The following SSH2 variants were observed in gnomAD, a reference collection of about 807,000 sequenced individuals.
SSH2 encodes protein phosphatase Slingshot homolog 2.
SSH2 carries 37 observed loss-of-function variants against 135.2 expected under a neutral mutation model. The ratio of observed to expected loss-of-function variants is 0.27; its 90% CI spans 0.21 to 0.36. The LOEUF (loss-of-function observed/expected upper bound fraction) is 0.36. Among genes scored for constraint, SSH2 ranks in the 10% least tolerant of loss-of-function variants. The pLI, the probability that SSH2 is intolerant of heterozygous loss-of-function variation, is 1.00. For missense variants in SSH2, 1,408 were observed against 1,765.3 expected (o/e 0.80, Z 3.63); for synonymous variants, 628 against 646.2 (o/e 0.97, Z 0.43).
At chr17:29,773,140 G>T (rs188025016) in intron 3 of SSH2, among the ~76,000 whole-genome samples, 6 of 151,790 alleles carry the variant, frequency 4.0e-5, no homozygotes, top group African/African-American at 1.5e-4. Flanking sequence ...GGAAAACTCT[G>T]ACTAATATAT....
At chr17:29,672,257 A>G (rs1164694957) in intron 8 of SSH2, 128 bp from the exon 9 acceptor site, 8 of 635,156 alleles carry the variant, frequency 1.3e-5, no homozygotes, top group Non-Finnish European at 1.9e-5. Context: ...CTACTCCTTG[A>G]AAGTCAAGAT....
At chr17:29,747,359 A>G (rs2040797218) in intron 3 of SSH2, among the ~76,000 whole-genome samples, 1 of 152,218 alleles carries the variant, frequency 6.6e-6, no homozygotes, top group African/African-American at 2.4e-5. Flanking sequence ...TAGCTTTACC[A>G]AGTGTAACTA....
chr17:29,879,968 A>G (rs956340191), intron 1 of SSH2, among the ~76,000 whole-genome samples: 1 of 152,254 alleles, frequency 6.6e-6, no homozygotes, highest in Middle Eastern at 3.2e-3. Context: ...TATTTTGCTC[A>G]TGAGACTCAA....
At chr17:29,748,989 T>C (rs2040845995) in intron 3 of SSH2, among the ~76,000 whole-genome samples, 1 of 152,192 alleles carries the variant, frequency 6.6e-6, no homozygotes, top group Non-Finnish European at 1.5e-5. Context: ...ACTTCAATAA[T>C]TCAATGTGTC....
At chr17:29,761,442 C>T (rs1295988067) in intron 3 of SSH2, 2 of 995,812 alleles carry the variant, frequency 2.0e-6, no homozygotes, top group African/African-American at 1.7e-5. Context: ...TGACGGGCGT[C>T]GCCAGCAGTT....
chr17:29,697,075 A>G (rs1374597086), intron 4 of SSH2, among the ~76,000 whole-genome samples: 1 of 152,152 alleles, frequency 6.6e-6, no homozygotes, highest in African/African-American at 2.4e-5. Flanking sequence ...CATTATTTGA[A>G]TCTTCACTTG....
At chr17:29,827,100 C>G (rs1425655494) in intron 2 of SSH2, among the ~76,000 whole-genome samples, 1 of 152,066 alleles carries the variant, frequency 6.6e-6, no homozygotes, top group African/African-American at 2.4e-5. Context: ...TAAGCCAGGT[C>G]AATTGTAAAA....
chr17:29,808,961 A>T (rs1460920483), intron 2 of SSH2, among the ~76,000 whole-genome samples: 1 of 152,184 alleles, frequency 6.6e-6, no homozygotes, highest in Admixed American at 6.5e-5. Flanking sequence ...TCAAAAAAAG[A>T]TGTATGAGCA....
chr17:29,898,493 T>C (rs2066486125), intron 1 of SSH2, among the ~76,000 whole-genome samples: 1 of 152,114 alleles, frequency 6.6e-6, no homozygotes, highest in Non-Finnish European at 1.5e-5. Context: ...CAGAGAATAC[T>C]ATAAACACCT....
chr17:29,806,453 G>C (rs1567985602), intron 2 of SSH2, among the ~76,000 whole-genome samples: 1 of 152,150 alleles, frequency 6.6e-6, no homozygotes, highest in Non-Finnish European at 1.5e-5. Flanking sequence ...CTTCCATTCA[G>C]GTGAAATTCC....
intron 1 of SSH2, among the ~76,000 whole-genome samples, chr17:29,920,166 G>A (rs1194826930): frequency 6.6e-6 from 1 of 152,190 alleles, no homozygotes; most frequent in Admixed American, 6.6e-5. Flanking sequence ...CTCCCAAAGT[G>A]CTGGGATTAC....
intron 11 of SSH2, among the ~76,000 whole-genome samples, chr17:29,662,124 A>C (rs1423164105): frequency 6.6e-6 from 1 of 152,208 alleles, no homozygotes; most frequent in African/African-American, 2.4e-5. Flanking sequence ...ATTTTACTGA[A>C]GTGTAAAATG....
At chr17:29,728,007 C>A (rs1360396031) in intron 3 of SSH2, among the ~76,000 whole-genome samples, 1 of 152,074 alleles carries the variant, frequency 6.6e-6, no homozygotes, top group African/African-American at 2.4e-5. Flanking sequence ...ATGGCGAAAC[C>A]CCTTCTCTAC....
chr17:29,661,940 G>C (rs2037062452), intron 11 of SSH2, among the ~76,000 whole-genome samples: 1 of 152,142 alleles, frequency 6.6e-6, no homozygotes, highest in Non-Finnish European at 1.5e-5. Flanking sequence ...GAAAGACCTA[G>C]AGACCACTTG....
chr17:29,930,013 G>T lies in SSH2; in HGVS notation c.-13C>A. ...TGACCAAAGCCATCTAGGCGCTGCT[G>T]GGTTGTTCCGGGCAGGGCATTCTTG... On this transcript the variant is annotated 5_prime_UTR_variant, in exon 1 of 16. Transcript: ENST00000540801. 1 of 1,591,412 alleles carries T rather than the reference G, an allele frequency of 6.3e-7. No individual in the cohort carries two copies. Among genetic ancestry groups the T allele is most frequent in the East Asian group, 2.3e-5 (1 of 43,586 alleles).
intron 14 of SSH2, among the ~76,000 whole-genome samples, chr17:29,647,381 G>A (rs1167018753): frequency 6.6e-6 from 1 of 151,340 alleles, no homozygotes; most frequent in Non-Finnish European, 1.5e-5. Flanking sequence ...AATAAAATAT[G>A]AATGAATGAA....
rs58190730 is a variant in SSH2, at chr17:29,709,015, TAGAGAG to T, written c.189-5959_189-5954del. On this transcript the variant is annotated intron_variant, in intron 3 of 15. Transcript: ENST00000540801. Reference sequence around the variant, plus strand: ...AGAAATATATATATATATATATATATAGAGAGAGAGAGAGAGAGAGAGAGAGAGAGA... The same window carrying T: ...AGAAATATATATATATATATATATATAGAGAGAGAGAGAGAGAGAGAGAGA... Among the ~76,000 whole-genome samples, 183 of 81,556 alleles carry T rather than the reference TAGAGAG, an allele frequency of 2.2e-3. 1 individual carries two copies. Among genetic ancestry groups the T allele is most frequent in the African/African-American group, 4.2e-3 (103 of 24,408 alleles). The allele number at this position is 81,556 out of a possible 152,430, so 53.5% of individuals were successfully genotyped here.
At chr17:29,792,963 C>A (rs374939768) in intron 3 of SSH2, among the ~76,000 whole-genome samples, 1 of 152,150 alleles carries the variant, frequency 6.6e-6, no homozygotes, top group Non-Finnish European at 1.5e-5. Flanking sequence ...CGTGAGCCAC[C>A]GCGCCCGGCC....
At chr17:29,807,378 TA>T (rs1201017390) in intron 2 of SSH2, among the ~76,000 whole-genome samples, 2 of 152,326 alleles carry the variant, frequency 1.3e-5, no homozygotes, top group African/African-American at 4.8e-5. Flanking sequence ...TCTAGACAAT[TA>T]CCTTTTCAGC....
Sources: gnomAD v4.1 joint callset for allele counts (sites outside exome capture counted in the v4.1 genomes callset) on GRCh38, gnomAD v4.1.1 for gene constraint, MANE v1.5 for transcripts, NCBI Gene and HGNC (gene_info 2026-07-23, HGNC 2026-07-21) for gene names.